The following TNR variants were observed in gnomAD, a reference collection of about 807,000 sequenced individuals.
TNR encodes tenascin R.
In TNR, 45 loss-of-function variants were observed where a neutral mutation model predicts 150.4. The ratio of observed to expected loss-of-function variants is 0.30; its 90% CI spans 0.24 to 0.38. The LOEUF (loss-of-function observed/expected upper bound fraction) is 0.38, where lower values mean the gene tolerates loss of function less well. TNR is among the 10% of genes least tolerant of loss of function. The pLI, the probability that TNR is intolerant of heterozygous loss-of-function variation, is 1.00. For missense variants in TNR, 1,544 were observed against 1,759.1 expected (o/e 0.88, Z 2.19); for synonymous variants, 687 against 678.4 (o/e 1.01, Z -0.20).
chr1:175,597,741 A>G (rs1663065776), intron 1 of TNR, among the ~76,000 whole-genome samples: 1 of 152,196 alleles, frequency 6.6e-6, no homozygotes, highest in Non-Finnish European at 1.5e-5. Context: ...CCAGTCATGT[A>G]AATTAGCATT....
intron 20 of TNR, among the ~76,000 whole-genome samples, chr1:175,334,993 A>G (rs774526330): frequency 5.9e-5 from 9 of 152,222 alleles, no homozygotes; most frequent in Non-Finnish European, 1.3e-4. Flanking sequence ...GAAGAAGATG[A>G]GATGAGATAG....
chr1:175,469,237 C>T (rs1229079120), intron 2 of TNR, among the ~76,000 whole-genome samples: 1 of 152,110 alleles, frequency 6.6e-6, no homozygotes, highest in East Asian at 1.9e-4. Flanking sequence ...ATCCCAATAA[C>T]AAGAAGACCC....
At chr1:175,689,045 A>T (rs533605560) in intron 1 of TNR, among the ~76,000 whole-genome samples, 1 of 152,240 alleles carries the variant, frequency 6.6e-6, no homozygotes, top group African/African-American at 2.4e-5. Context: ...GATGGCAAGC[A>T]CACAGGTAAC....
chr1:175,406,192 A>T, intron 3 of TNR, 24 bp downstream of exon 3: 1 of 1,604,326 alleles, frequency 6.2e-7, no homozygotes, highest in Non-Finnish European at 8.5e-7. Context: ...TCCTGAGACC[A>T]CGCTGCGAGC....
At chr1:175,385,106 G>A (rs1195521482) in intron 8 of TNR, among the ~76,000 whole-genome samples, 3 of 152,182 alleles carry the variant, frequency 2.0e-5, no homozygotes, top group African/African-American at 7.2e-5. Flanking sequence ...TGATCCCTGG[G>A]TCAACTTGGA....
chr1:175,559,717 A>T (rs905880389), intron 1 of TNR, among the ~76,000 whole-genome samples: 2 of 152,170 alleles, frequency 1.3e-5, no homozygotes, highest in Non-Finnish European at 2.9e-5. Context: ...TTCTTTATCC[A>T]TTCTCCTGTT....
At chr1:175,514,476 T>C (rs1274320514) in intron 2 of TNR, among the ~76,000 whole-genome samples, 1 of 152,244 alleles carries the variant, frequency 6.6e-6, no homozygotes, top group East Asian at 1.9e-4. Flanking sequence ...CCACGAAGTC[T>C]GTGGTCATCT....
At chr1:175,581,291 C>T (rs377604390) in intron 1 of TNR, among the ~76,000 whole-genome samples, 1 of 152,210 alleles carries the variant, frequency 6.6e-6, no homozygotes, top group South Asian at 2.1e-4. Flanking sequence ...GCGTCAAGAA[C>T]AGCCTTCACT....
chr1:175,324,096 T>G (rs1649220925), intron 22 of TNR, among the ~76,000 whole-genome samples: 1 of 152,232 alleles, frequency 6.6e-6, no homozygotes, highest in Non-Finnish European at 1.5e-5. Context: ...TCCCCAGGAC[T>G]GATAAGCTCT....
chr1:175,665,741 G>A (rs1410745001), intron 1 of TNR, among the ~76,000 whole-genome samples: 2 of 152,188 alleles, frequency 1.3e-5, no homozygotes, highest in Non-Finnish European at 2.9e-5. Context: ...GGAGATAAAA[G>A]GGTAGAGAAT....
chr1:175,417,283 G>A (rs879896775), intron 2 of TNR, among the ~76,000 whole-genome samples: 1 of 152,080 alleles, frequency 6.6e-6, no homozygotes, highest in Admixed American at 6.5e-5. Flanking sequence ...GATGGTATCC[G>A]AGTCCAGATG....
intron 2 of TNR, among the ~76,000 whole-genome samples, chr1:175,445,272 A>G (rs1219301329): frequency 6.6e-6 from 1 of 152,194 alleles, no homozygotes; most frequent in African/African-American, 2.4e-5. Flanking sequence ...TCCGTCTCAA[A>G]AAAATAAAAA....
At chr1:175,331,033 C>CT (rs767580479) in intron 20 of TNR, among the ~76,000 whole-genome samples, 5 of 70,972 alleles carry the variant, frequency 7.0e-5, no homozygotes, top group African/African-American at 1.9e-4. Context: ...TTCTTTCTTT[C>CT]TTTCTTTCTT....
chr1:175,415,881 G>A (rs1485816540), intron 2 of TNR, among the ~76,000 whole-genome samples: 1 of 152,098 alleles, frequency 6.6e-6, no homozygotes, highest in Admixed American at 6.5e-5. Flanking sequence ...CTAGTTTGGG[G>A]TACCCACTTA....
intron 2 of TNR, among the ~76,000 whole-genome samples, chr1:175,489,099 G>A (rs755409673): frequency 2.0e-5 from 3 of 152,172 alleles, no homozygotes; most frequent in Non-Finnish European, 2.9e-5. Context: ...TTTCAATGCT[G>A]TAAGGATGGA....
intron 2 of TNR, among the ~76,000 whole-genome samples, chr1:175,440,399 T>C (rs1021382851): frequency 7.1e-6 from 1 of 141,554 alleles, no homozygotes; most frequent in Non-Finnish European, 1.6e-5. Context: ...GGGGGAGGGA[T>C]AGCATTAGGA....
At chr1:175,718,142 G>C (rs1243207261) in intron 1 of TNR, among the ~76,000 whole-genome samples, 1 of 152,150 alleles carries the variant, frequency 6.6e-6, no homozygotes, top group African/African-American at 2.4e-5. Context: ...GGGGAATTCT[G>C]GAGCAGTGAA....
intron 17 of TNR, among the ~76,000 whole-genome samples, chr1:175,354,968 T>A (rs1179074054): frequency 6.6e-6 from 1 of 152,200 alleles, no homozygotes; most frequent in East Asian, 1.9e-4. Context: ...GTGTTCTGGA[T>A]GAACTGTTTC....
At position 175,390,878 on chromosome 1, in the gene TNR, G is replaced by A. The variant is rs1653137679; in HGVS notation, c.1507+410C>T. Among the ~76,000 whole-genome samples, 10 of 152,130 alleles carry A rather than the reference G, an allele frequency of 6.6e-5. No individual in the cohort carries two copies. In the South Asian group the frequency reaches 2.1e-3, roughly 31 times the overall value. On this transcript the variant is annotated intron_variant, in intron 7 of 22. Coordinates refer to ENST00000367674, the MANE Select transcript of TNR (RefSeq NM_003285.3). ...TTCTTGTTTATCATAAATTATTCTTGCTTATCTTGTAAAATAAATTGAAGT... is the reference window on the plus strand; with the variant it reads ...TTCTTGTTTATCATAAATTATTCTTACTTATCTTGTAAAATAAATTGAAGT...
Sources: allele counts gnomAD v4.1 joint callset (sites outside exome capture counted in the v4.1 genomes callset), GRCh38; gene constraint gnomAD v4.1.1; transcripts MANE v1.5; gene names NCBI Gene and HGNC (gene_info 2026-07-23, HGNC 2026-07-21).